The following GLRA2 variants were observed in gnomAD, a reference collection of about 807,000 sequenced individuals.
The protein encoded by GLRA2 is glycine receptor subunit alpha-2.
In GLRA2, 11 loss-of-function variants were observed where a neutral mutation model predicts 31.6. That is an observed-to-expected ratio of 0.35 (90% CI 0.22 to 0.58). The LOEUF is 0.58. GLRA2 is among the 20% of genes least tolerant of loss of function. The probability of loss-of-function intolerance (pLI) is 0.84; values close to 1 mark genes in which losing one functional copy is unlikely to be tolerated. For missense variants in GLRA2, 212 were observed against 351.8 expected, an observed-to-expected ratio of 0.60 and a Z score of 3.18; for synonymous variants, 132 against 134.0, an observed-to-expected ratio of 0.99 and a Z score of 0.10.
chrX:14,572,942 GCA>G (rs2089902482), intron 2 of GLRA2, among the ~76,000 whole-genome samples: 1 of 111,597 alleles, frequency 9.0e-6, no homozygotes, highest in Non-Finnish European at 1.9e-5. Flanking sequence ...ACAAAAGTGT[GCA>G]TAAGAACACA....
chrX:14,711,590 G>A (rs2091710403), intron 8 of GLRA2, among the ~76,000 whole-genome samples: 1 of 112,571 alleles, frequency 8.9e-6, no homozygotes, highest in African/African-American at 3.2e-5. Context: ...AGATAGCCCT[G>A]TGTATACCAT....
At chrX:14,532,394 G>T (rs369255763) in intron 2 of GLRA2, 22 bp downstream of exon 2, 1 of 1,089,486 alleles carries the variant, frequency 9.2e-7, no homozygotes, top group South Asian at 2.3e-5. Context: ...TTAAACTTAC[G>T]TTAAGCCTTT....
At chrX:14,460,082 AG>A in the GLRA2 span, among the ~76,000 whole-genome samples, 2 of 112,148 alleles carry the variant, frequency 1.8e-5, no homozygotes, top group South Asian at 7.5e-4. Context: ...TTTAGCATGA[AG>A]GGCTGTTGAA....
chrX:14,463,467 A>G, the GLRA2 span, among the ~76,000 whole-genome samples: 1 of 111,939 alleles, frequency 8.9e-6, no homozygotes, highest in Non-Finnish European at 1.9e-5. Context: ...GGTGGAATCT[A>G]GAGAGGCAGT....
upstream of GLRA2, among the ~76,000 whole-genome samples, chrX:14,524,683 CTCTT>C (rs773566883): frequency 9.0e-6 from 1 of 111,326 alleles, no homozygotes; most frequent in Admixed American, 9.6e-5. Context: ...TATCTTTTGA[CTCTT>C]TCTTTGAGGA....
intron 7 of GLRA2, among the ~76,000 whole-genome samples, chrX:14,647,476 T>C (rs759019545): frequency 9.0e-6 from 1 of 111,384 alleles, no homozygotes; most frequent in African/African-American, 3.3e-5. Context: ...CCATTTCTTA[T>C]AACTCCCAGT....
chrX:14,521,686 A>G, the GLRA2 span, among the ~76,000 whole-genome samples: 7 of 111,616 alleles, frequency 6.3e-5, no homozygotes, highest in Non-Finnish European at 1.1e-4. Flanking sequence ...TACCTCAGAG[A>G]TATTGTAGAT....
At chrX:14,615,315 A>G (rs541647725) in intron 7 of GLRA2, among the ~76,000 whole-genome samples, 1 of 111,917 alleles carries the variant, frequency 8.9e-6, no homozygotes, top group Middle Eastern at 4.7e-3. Context: ...TGATTCATCC[A>G]TCCATTTATT....
rs761582652 is a variant in GLRA2, at chrX:14,581,233, G to A, written c.321G>A (p.Leu107=). 8.4e-7 allele frequency: 1 copy of A among 1,190,610 alleles called. No homozygotes were observed. The highest frequency in any genetic ancestry group is 2.2e-5 in the Admixed American group (1 of 45,685). ...FLRQQWNDSR[L]AYSEYPDDSL... ...GACAACAGTGGAATGATTCACGGCTGGCGTACAGTGAGTACCCAGATGACT... is the reference window on the plus strand; with the variant it reads ...GACAACAGTGGAATGATTCACGGCTAGCGTACAGTGAGTACCCAGATGACT... Residue 107 remains leucine, a synonymous_variant, in exon 4 of 9, where the codon CTG becomes CTA. Coordinates refer to ENST00000218075, the MANE Select transcript of GLRA2 (RefSeq NM_002063.4).
chrX:14,533,711 C>T (rs1165858349), intron 2 of GLRA2, among the ~76,000 whole-genome samples: 1 of 111,036 alleles, frequency 9.0e-6, no homozygotes, highest in Non-Finnish European at 1.9e-5. Context: ...CTGCAAAATA[C>T]TAACTGTTGG....
intron 7 of GLRA2, among the ~76,000 whole-genome samples, chrX:14,624,246 C>A (rs2090560394): frequency 9.0e-6 from 1 of 110,984 alleles, no homozygotes. Context: ...TTCTTTTCTT[C>A]TTTATTATTC....
At chrX:14,535,173 G>T (rs941849677) in intron 2 of GLRA2, among the ~76,000 whole-genome samples, 4 of 111,815 alleles carry the variant, frequency 3.6e-5, no homozygotes, top group Non-Finnish European at 5.7e-5. Context: ...CCAAATATGG[G>T]CCACTGAGGT....
the GLRA2 span, among the ~76,000 whole-genome samples, chrX:14,457,534 C>CT: frequency 9.2e-6 from 1 of 108,978 alleles, no homozygotes; most frequent in African/African-American, 3.4e-5. Flanking sequence ...TGAACTCATC[C>CT]TTTTTTATGG....
the GLRA2 span, among the ~76,000 whole-genome samples, chrX:14,475,189 A>G: frequency 8.9e-6 from 1 of 112,483 alleles, no homozygotes; most frequent in Non-Finnish European, 1.9e-5. Context: ...TACTAAATAC[A>G]TTGTAAGCAG....
At chrX:14,543,704 T>C (rs1000679393) in intron 2 of GLRA2, among the ~76,000 whole-genome samples, 3 of 112,082 alleles carry the variant, frequency 2.7e-5, no homozygotes, top group Admixed American at 9.5e-5. Context: ...TCTAAGTTTT[T>C]AAATGTAAAA....
At chrX:14,552,996 T>A (rs1025452853) in intron 2 of GLRA2, among the ~76,000 whole-genome samples, 7 of 111,888 alleles carry the variant, frequency 6.3e-5, no homozygotes, top group African/African-American at 2.3e-4. Flanking sequence ...AATGATGGTG[T>A]CTAGTGGGAG....
intron 7 of GLRA2, among the ~76,000 whole-genome samples, chrX:14,686,397 T>A (rs1258027657): frequency 9.0e-6 from 1 of 111,503 alleles, no homozygotes; most frequent in Non-Finnish European, 1.9e-5. Flanking sequence ...TTGACCTTTC[T>A]AATGTTGATA....
chrX:14,571,130 A>G (rs1455253885), intron 2 of GLRA2, among the ~76,000 whole-genome samples: 2 of 111,852 alleles, frequency 1.8e-5, no homozygotes, highest in Non-Finnish European at 3.8e-5. Context: ...TGCCATGAAA[A>G]ACTAGATGTT....
intron 7 of GLRA2, among the ~76,000 whole-genome samples, chrX:14,629,614 T>C (rs188424441): frequency 7.1e-5 from 8 of 112,024 alleles, no homozygotes; most frequent in Non-Finnish European, 1.1e-4. Flanking sequence ...TATGTTTAGG[T>C]TTAAACCTAC....
Sources: allele counts gnomAD v4.1 joint callset (sites outside exome capture counted in the v4.1 genomes callset), GRCh38; gene constraint gnomAD v4.1.1; transcripts MANE v1.5; gene names NCBI Gene and HGNC (gene_info 2026-07-23, HGNC 2026-07-21).